Variants in ABCG2 observed in about 807,000 individuals in gnomAD.
ABCG2 encodes the protein broad substrate specificity ATP-binding cassette transporter ABCG2.
Under a neutral mutation model 73.5 loss-of-function variants are expected in ABCG2, and 80 were observed. That is an observed-to-expected ratio of 1.09 (90% CI 0.91 to 1.31). The LOEUF is 1.31. Among genes scored for constraint, ABCG2 ranks in the 50% most tolerant of loss-of-function variants. The pLI is 0.00. For synonymous variants in ABCG2, 269 were observed against 282.4 expected (o/e 0.95, Z 0.48); for missense variants, 796 against 786.2 (o/e 1.01, Z -0.15).
At chr4:88,160,135 C>T (rs1467413783), upstream of ABCG2, among the ~76,000 whole-genome samples, 1 of 151,316 alleles carries the variant, frequency 6.6e-6, no homozygotes, top group Admixed American at 6.6e-5. Flanking sequence ...CAGCTACTCG[C>T]GAGGCTAAGG....
At chr4:88,140,608 C>T (rs45473592) in intron 1 of ABCG2, among the ~76,000 whole-genome samples, 2,915 of 151,762 alleles carry the variant, frequency 0.019, 100 homozygotes, top group African/African-American at 0.067. Context: ...AGCGATAGAG[C>T]GAGACTCCAT....
chr4:88,139,251 A>T (rs963403949), intron 2 of ABCG2, among the ~76,000 whole-genome samples: 1 of 152,096 alleles, frequency 6.6e-6, no homozygotes, highest in African/African-American at 2.4e-5. Context: ...GCACCCTCAC[A>T]AAGTACGCTT....
chr4:88,214,701 GT>G (rs1410009109), intron 1 of ABCG2, among the ~76,000 whole-genome samples: 2 of 151,804 alleles, frequency 1.3e-5, no homozygotes, highest in Non-Finnish European at 2.9e-5. Context: ...ACAAAAAAAA[GT>G]TTTTTTGTAA....
intron 1 of ABCG2, among the ~76,000 whole-genome samples, chr4:88,228,581 G>C (rs193084928): frequency 1.6e-3 from 239 of 152,282 alleles, no homozygotes; most frequent in African/African-American, 5.6e-3. Context: ...ATAGTAGAAG[G>C]GAATGTTATT....
intron 1 of ABCG2, among the ~76,000 whole-genome samples, chr4:88,191,209 G>A (rs201648929): frequency 2.9e-5 from 4 of 138,738 alleles, no homozygotes; most frequent in African/African-American, 7.8e-5. Context: ...GGCTCACTGC[G>A]TGCAGTGCTC....
intron 9 of ABCG2, among the ~76,000 whole-genome samples, chr4:88,112,128 C>G (rs2725262): frequency 6.6e-6 from 1 of 151,872 alleles, no homozygotes; most frequent in African/African-American, 2.4e-5. Context: ...ACAAAAACCA[C>G]AAGGAGTAAT....
intron 1 of ABCG2, among the ~76,000 whole-genome samples, chr4:88,214,080 T>A (rs1729709763): frequency 6.9e-6 from 1 of 145,284 alleles, no homozygotes; most frequent in Admixed American, 7.2e-5. Flanking sequence ...CTTGAACTCC[T>A]GGGCTCAAGT....
chr4:88,177,138 C>T (rs908794316), intron 1 of ABCG2, among the ~76,000 whole-genome samples: 3 of 152,030 alleles, frequency 2.0e-5, no homozygotes, highest in South Asian at 2.1e-4. Context: ...TTTGGGAGGC[C>T]GAGGTGGGCG....
rs58945293 is a variant in ABCG2, at chr4:88,194,549, CAAAAAAAAAAAAAAAA to C, written c.-20+36429_-20+36444del. Among the ~76,000 whole-genome samples, 134 of 52,590 alleles carry C rather than the reference CAAAAAAAAAAAAAAAA, an allele frequency of 2.5e-3. 2 individuals are homozygous for C. Among genetic ancestry groups the C allele is most frequent in the Admixed American group, 9.8e-3 (29 of 2,970 alleles). The allele number at this position is 52,590 out of a possible 152,430, so 34.5% of individuals were successfully genotyped here. A position where few individuals can be genotyped will look rare whatever the true frequency, so the allele number is the denominator to read the frequency against. ...TGGGCGACAGAGCCAGACTCCGTCT[CAAAAAAAAAAAAAAAA>C]AAAAAAAAAAAAAAAAAAAGTGTGG... On this transcript the variant is annotated intron_variant, in intron 1 of 15. Coordinates refer to the ABCG2 transcript ENST00000515655.
intron 1 of ABCG2, among the ~76,000 whole-genome samples, chr4:88,222,100 C>A (rs1458042520): frequency 6.6e-6 from 1 of 152,210 alleles, no homozygotes; most frequent in Non-Finnish European, 1.5e-5. Flanking sequence ...CCATCTGTGG[C>A]TAAAGGGGCC....
At chr4:88,099,656 G>A (rs1722259582) in intron 11 of ABCG2, among the ~76,000 whole-genome samples, 1 of 152,118 alleles carries the variant, frequency 6.6e-6, no homozygotes, top group African/African-American at 2.4e-5. Context: ...TCTGCGCACA[G>A]CCCCTCTTCT....
chr4:88,146,729 C>T (rs78270441), intron 1 of ABCG2, among the ~76,000 whole-genome samples: 1,577 of 151,966 alleles, frequency 0.01, 29 homozygotes, highest in African/African-American at 0.036. Context: ...TTTAGCCAGG[C>T]GTGGTGGTCC....
intron 12 of ABCG2, among the ~76,000 whole-genome samples, chr4:88,098,058 C>T (rs1483944850): frequency 6.6e-6 from 1 of 152,174 alleles, no homozygotes; most frequent in African/African-American, 2.4e-5. Context: ...GCCTCCATAA[C>T]CCAAGCCTCC....
intron 9 of ABCG2, among the ~76,000 whole-genome samples, chr4:88,110,759 A>C (rs1723081900): frequency 6.6e-6 from 1 of 152,046 alleles, no homozygotes; most frequent in Non-Finnish European, 1.5e-5. Context: ...TGACTACCTG[A>C]GACAAACACC....
chr4:88,110,546 A>C (rs912550808), intron 9 of ABCG2, among the ~76,000 whole-genome samples: 1 of 151,948 alleles, frequency 6.6e-6, no homozygotes, highest in Non-Finnish European at 1.5e-5. Context: ...CTGTCTCAGA[A>C]AAAAAAAGGG....
At chr4:88,187,093 CAAAAAAAA>C (rs61116461) in intron 1 of ABCG2, among the ~76,000 whole-genome samples, 1 of 45,194 alleles carries the variant, frequency 2.2e-5, no homozygotes, top group African/African-American at 9.7e-5. Flanking sequence ...GATTCTGTCT[CAAAAAAAA>C]AAAAAAAAAA....
intron 15 of ABCG2, among the ~76,000 whole-genome samples, chr4:88,094,290 C>A (rs1721837283): frequency 6.6e-6 from 1 of 152,066 alleles, no homozygotes; most frequent in Non-Finnish European, 1.5e-5. Context: ...GAATTCAAAC[C>A]CACAATCAAA....
intron 13 of ABCG2, among the ~76,000 whole-genome samples, chr4:88,096,584 T>C (rs1442666419): frequency 1.3e-5 from 2 of 152,176 alleles, no homozygotes; most frequent in Non-Finnish European, 2.9e-5. Context: ...CAAGAGTTTG[T>C]GCTAATTATT....
intron 1 of ABCG2, among the ~76,000 whole-genome samples, chr4:88,150,459 G>C (rs774177058): frequency 1.1e-4 from 16 of 152,190 alleles, no homozygotes; most frequent in Non-Finnish European, 1.9e-4. Flanking sequence ...AGGAACTCGG[G>C]TTGTATCTAC....
Sources: allele counts gnomAD v4.1 joint callset (sites outside exome capture counted in the v4.1 genomes callset), GRCh38; gene constraint gnomAD v4.1.1; transcripts MANE v1.5; gene names NCBI Gene and HGNC (gene_info 2026-07-23, HGNC 2026-07-21).